Variants in GALNT7 observed in about 807,000 individuals in gnomAD.
GALNT7 encodes the protein polypeptide N-acetylgalactosaminyltransferase 7.
A neutral mutation model predicts 82.1 loss-of-function variants in GALNT7; 60 were observed. That is an observed-to-expected ratio of 0.73 (90% CI 0.59 to 0.91). The LOEUF is 0.91. GALNT7 is among the 40% of genes least tolerant of loss of function. The pLI is 0.00. For missense variants in GALNT7, 660 were observed against 804.2 expected, an observed-to-expected ratio of 0.82 and a Z score of 2.17; for synonymous variants, 243 against 275.1, an observed-to-expected ratio of 0.88 and a Z score of 1.15.
At chr4:173,216,964 C>T (rs1442455462) in intron 1 of GALNT7, among the ~76,000 whole-genome samples, 2 of 151,410 alleles carry the variant, frequency 1.3e-5, no homozygotes, top group Non-Finnish European at 2.9e-5. Context: ...CTCCTGACCT[C>T]GGGTGATCCG....
At position 173,323,654 on chromosome 4, in the gene GALNT7, T is replaced by A. The variant is rs1737903339; in HGVS notation, c.*1937T>A. 1 of 152,600 alleles carries A rather than the reference T, an allele frequency of 6.6e-6. No homozygotes were observed. The highest frequency in any genetic ancestry group is 6.6e-5 in the Admixed American group (1 of 15,266). The allele number at this position is 152,600 out of a possible 1,614,324, so 9.5% of individuals were successfully genotyped here. ...GTTAAAAGAAGATACTCTATGAATATGATTCTATATATTGAAATCAGAAAA... is the reference window on the plus strand; with the variant it reads ...GTTAAAAGAAGATACTCTATGAATAAGATTCTATATATTGAAATCAGAAAA... On this transcript the variant is annotated 3_prime_UTR_variant, in exon 12 of 12. Coordinates refer to ENST00000265000, the MANE Select transcript of GALNT7 (RefSeq NM_017423.3).
intron 2 of GALNT7, among the ~76,000 whole-genome samples, chr4:173,280,759 T>G: frequency 6.6e-6 from 1 of 152,176 alleles, no homozygotes; most frequent in East Asian, 1.9e-4. Context: ...TCTACACCAG[T>G]AAAGTGAGAG....
At chr4:173,268,781 C>T (rs1369244656) in intron 2 of GALNT7, among the ~76,000 whole-genome samples, 4 of 151,796 alleles carry the variant, frequency 2.6e-5, no homozygotes, top group African/African-American at 4.8e-5. Flanking sequence ...CCTCTTGATC[C>T]GCCCTTCTTG....
At chr4:173,216,140 T>G (rs1461005045) in intron 1 of GALNT7, among the ~76,000 whole-genome samples, 1 of 152,112 alleles carries the variant, frequency 6.6e-6, no homozygotes, top group African/African-American at 2.4e-5. Flanking sequence ...CAAGCTGGCT[T>G]TAAAGTGAAC....
chr4:173,197,376 G>A (rs1411704791), intron 1 of GALNT7, among the ~76,000 whole-genome samples: 1 of 152,102 alleles, frequency 6.6e-6, no homozygotes, highest in Non-Finnish European at 1.5e-5. Context: ...CAGAAAGCAT[G>A]GGGATAAGTT....
At chr4:173,206,862 C>G (rs1436129860) in intron 1 of GALNT7, among the ~76,000 whole-genome samples, 9 of 152,198 alleles carry the variant, frequency 5.9e-5, no homozygotes, top group Admixed American at 5.9e-4. Context: ...ATGAAACTTG[C>G]AACCAAGGTG....
intron 1 of GALNT7, among the ~76,000 whole-genome samples, chr4:173,173,334 T>A (rs1731936733): frequency 1.3e-5 from 2 of 152,122 alleles, no homozygotes; most frequent in African/African-American, 4.8e-5. Context: ...AGAAAGTTCC[T>A]TTAATTAAAT....
At chr4:173,226,281 C>G (rs142574653) in intron 1 of GALNT7, among the ~76,000 whole-genome samples, 139 of 152,242 alleles carry the variant, frequency 9.1e-4, no homozygotes, top group African/African-American at 3.2e-3. Context: ...TTATGTCATT[C>G]ACCATAAACT....
chr4:173,240,423 C>T (rs928408571), intron 1 of GALNT7, among the ~76,000 whole-genome samples: 3 of 136,026 alleles, frequency 2.2e-5, no homozygotes, highest in Non-Finnish European at 4.5e-5. Flanking sequence ...GGCTGGAGTG[C>T]AATGGCACAA....
intron 3 of GALNT7, 53 bp from the exon 4 acceptor site, chr4:173,295,343 C>T: frequency 8.0e-7 from 1 of 1,248,174 alleles, no homozygotes. Context: ...AAAATAATAA[C>T]TAATTGGTTT....
intron 11 of GALNT7, 145 bp from the exon 12 acceptor site, chr4:173,321,431 ACAAT>A (rs1450602063): frequency 8.2e-6 from 5 of 609,434 alleles, no homozygotes; most frequent in African/African-American, 5.5e-5. Flanking sequence ...CAGAAAACTG[ACAAT>A]CAAGAGAAAT....
chr4:173,290,622 G>T (rs907325517), intron 2 of GALNT7, among the ~76,000 whole-genome samples: 1 of 152,168 alleles, frequency 6.6e-6, no homozygotes, highest in Non-Finnish European at 1.5e-5. Context: ...GAGGCAGGGA[G>T]GGAACTTTCA....
chr4:173,249,385 C>A (rs1734774112), intron 2 of GALNT7, among the ~76,000 whole-genome samples: 1 of 152,096 alleles, frequency 6.6e-6, no homozygotes, highest in African/African-American at 2.4e-5. Flanking sequence ...AATCCTGTGT[C>A]CAATATAATG....
At chr4:173,199,202 C>T (rs985360064) in intron 1 of GALNT7, among the ~76,000 whole-genome samples, 1 of 152,084 alleles carries the variant, frequency 6.6e-6, no homozygotes, top group African/African-American at 2.4e-5. Flanking sequence ...TAGAGTAGTT[C>T]GGAGAAGAAA....
chr4:173,169,107 G>A (rs1040395510), intron 1 of GALNT7, 146 bp downstream of exon 1: 1 of 590,996 alleles, frequency 1.7e-6, no homozygotes, highest in Non-Finnish European at 2.5e-6. Flanking sequence ...CGCGGGCCGA[G>A]GGGGTGCCGA....
intron 2 of GALNT7, among the ~76,000 whole-genome samples, chr4:173,288,301 A>AAAAAAAAAAG (rs1289159201): frequency 3.8e-4 from 56 of 148,332 alleles, no homozygotes; most frequent in African/African-American, 1.3e-3. Flanking sequence ...AAAAAAAAAA[A>AAAAAAAAAAG]AAAAGAAAAG....
chr4:173,243,010 T>A (rs777515152), intron 1 of GALNT7, among the ~76,000 whole-genome samples: 16 of 152,198 alleles, frequency 1.1e-4, no homozygotes, highest in Non-Finnish European at 2.4e-4. Flanking sequence ...CCAAGTAGTG[T>A]GCATGTTGTT....
chr4:173,315,758 A>G (rs1014783367), intron 9 of GALNT7: 1 of 152,246 alleles, frequency 6.6e-6, no homozygotes, highest in African/African-American at 2.4e-5. Context: ...GAGGGCCCAG[A>G]CAAGTATATC....
chr4:173,292,001 C>T lies in GALNT7; in HGVS notation c.588-107C>T. ...TTGAAGGCTATATTTCATTCACTTA[C>T]CGTAGTTAAGTCGATAGTATGTAAT... On this transcript the variant is annotated intron_variant, in intron 2 of 11. Transcript: ENST00000265000. This position sits in a 1 kb window ranked among gnomAD's most constrained non-coding sequence, Gnocchi z 4.8. The T allele has an allele frequency of 3.0e-6, 2 of 656,658 alleles. No individual in the cohort carries two copies. The highest frequency in any genetic ancestry group is 5.3e-6 in the Non-Finnish European group (2 of 377,100). 40.7% of individuals were successfully genotyped at this position (656,658 alleles called of 1,614,324 possible). A position where few individuals can be genotyped will look rare whatever the true frequency, so the allele number is the denominator to read the frequency against.
Sources: gnomAD v4.1 joint callset for allele counts (sites outside exome capture counted in the v4.1 genomes callset) on GRCh38, gnomAD v4.1.1 for gene constraint, Gnocchi (gnomAD v3.1) non-coding constraint, MANE v1.5 for transcripts, NCBI Gene and HGNC (gene_info 2026-07-23, HGNC 2026-07-21) for gene names.